DYNLRB1: variants seen among roughly 807,000 people sequenced by gnomAD.
The protein encoded by DYNLRB1 is dynein light chain roadblock-type 1, also known as ROBL/LC7-like 1.
DYNLRB1 carries 6 observed loss-of-function variants against 13.5 expected under a neutral mutation model. The observed-to-expected ratio is 0.44, with a 90% CI of 0.24 to 0.88. The LOEUF (loss-of-function observed/expected upper bound fraction) is 0.88. Ranked by LOEUF, DYNLRB1 falls within the 40% of genes least tolerant of loss-of-function variation. The pLI is 0.21. For synonymous variants in DYNLRB1, 43 were observed against 45.0 expected (o/e 0.96, Z 0.18); for missense variants, 93 against 127.2 (o/e 0.73, Z 1.29).
chr20:34,536,091 GACAGAGCAGTTCAGTC>G lies in DYNLRB1; in HGVS notation c.247+1303_247+1318del, dbSNP rs1054392297. ...CTGGGACACTCCCTAGAGGGGTGGG[GACAGAGCAGTTCAGTC>G]ACAGAGAAGAACATAAGAATAACTC... On this transcript the variant is annotated intron_variant, in intron 3 of 3. Coordinates refer to ENST00000357156, the MANE Select transcript of DYNLRB1 (RefSeq NM_014183.4). 5.1e-6 allele frequency: 5 copies of G among 985,294 alleles called. No homozygotes were observed. The African/African-American group carries it at 7.0e-5, about 14-fold the overall frequency. The allele number at this position is 985,294 out of a possible 1,614,324, so 61.0% of individuals were successfully genotyped here.
chr20:34,524,652 C>T (rs150312008), intron 1 of DYNLRB1, among the ~76,000 whole-genome samples: 2 of 152,192 alleles, frequency 1.3e-5, no homozygotes, highest in South Asian at 2.1e-4. Flanking sequence ...CTGCATTGTA[C>T]TCTCACGTCC....
At chr20:34,535,332 C>T (rs927374200) in intron 3 of DYNLRB1, 4 of 985,354 alleles carry the variant, frequency 4.1e-6, no homozygotes, top group Non-Finnish European at 3.6e-6. Flanking sequence ...CTTTAGGCCC[C>T]TTACAGCCAG....
At chr20:34,521,320 A>G (rs1979693639) in intron 1 of DYNLRB1, among the ~76,000 whole-genome samples, 1 of 152,056 alleles carries the variant, frequency 6.6e-6, no homozygotes, top group Admixed American at 6.6e-5. Context: ...TGAATTTTTC[A>G]TTTGTTTGTG....
intron 1 of DYNLRB1, among the ~76,000 whole-genome samples, chr20:34,523,978 T>C (rs6059896): frequency 0.48 from 73,070 of 151,936 alleles, 17,868 homozygotes; most frequent in Middle Eastern, 0.51. Context: ...CCTTTCTTTC[T>C]GGGTTGATTG....
intron 1 of DYNLRB1, 154 bp downstream of exon 1, chr20:34,516,615 G>T: frequency 1.3e-6 from 2 of 1,503,494 alleles, no homozygotes; most frequent in Admixed American, 2.2e-5. Context: ...CTTGAGGGTG[G>T]AACCCGGCGG....
intron 1 of DYNLRB1, among the ~76,000 whole-genome samples, chr20:34,521,250 G>A (rs1211935019): frequency 6.6e-6 from 1 of 152,140 alleles, no homozygotes; most frequent in East Asian, 1.9e-4. Flanking sequence ...GACCTCAAGT[G>A]ATTCACCCAC....
intron 1 of DYNLRB1, 163 bp downstream of exon 1, chr20:34,516,624 G>T (rs1009677010): frequency 2.0e-6 from 3 of 1,492,618 alleles, no homozygotes; most frequent in Middle Eastern, 2.4e-4. Flanking sequence ...GGAACCCGGC[G>T]GCGGAGGCCT....
intron 1 of DYNLRB1, among the ~76,000 whole-genome samples, chr20:34,524,868 C>T (rs1159878602): frequency 1.3e-5 from 2 of 151,808 alleles, no homozygotes; most frequent in African/African-American, 4.8e-5. Context: ...GGACTACAGG[C>T]GCCCGCCACT....
intron 1 of DYNLRB1, among the ~76,000 whole-genome samples, chr20:34,519,679 G>T (rs1979555177): frequency 6.6e-6 from 1 of 152,106 alleles, no homozygotes; most frequent in Non-Finnish European, 1.5e-5. Context: ...CATTTAGGTG[G>T]TGTATAGTTT....
In DYNLRB1 at chr20:34,516,698, G is replaced by C. The variant is rs373031061; in HGVS notation, c.3+237G>C. On this transcript the variant is annotated intron_variant, in intron 1 of 3. Coordinates refer to ENST00000357156, the MANE Select transcript of DYNLRB1 (RefSeq NM_014183.4). ...CCCCTTGACCGGAAGCGGGAGCCCA[G>C]CCTCGGCCAGGAAGAGATGATGGGC... 1.6e-4 allele frequency: 248 copies of C among 1,511,644 alleles called. 3 individuals are homozygous for C. In the African/African-American group the frequency reaches 2.9e-3, roughly 18 times the overall value. The allele number at this position is 1,511,644 out of a possible 1,614,324, so 93.6% of individuals were successfully genotyped here. A position where few individuals can be genotyped will look rare whatever the true frequency, so the allele number is the denominator to read the frequency against.
chr20:34,537,134 G>A (rs573763426), intron 3 of DYNLRB1, among the ~76,000 whole-genome samples: 1 of 152,286 alleles, frequency 6.6e-6, no homozygotes, highest in East Asian at 1.9e-4. Context: ...CCACAACCTT[G>A]TCAGTGGAGG....
chr20:34,516,478 G>T lies in DYNLRB1; in HGVS notation c.3+17G>T. On this transcript the variant is annotated intron_variant, in intron 1 of 3. Transcript: ENST00000357156. ...TCGGAAATGGTGAGCGTGCGCCGGGGTCTTGTGGCTGGCGGCCGCCCACCA... is the reference window on the plus strand; with the variant it reads ...TCGGAAATGGTGAGCGTGCGCCGGGTTCTTGTGGCTGGCGGCCGCCCACCA... 2 of 1,612,712 alleles carry T rather than the reference G, an allele frequency of 1.2e-6. No homozygotes were observed. Among genetic ancestry groups the T allele is most frequent in the Non-Finnish European group, 8.5e-7 (1 of 1,179,144 alleles).
At chr20:34,526,438 A>T in intron 2 of DYNLRB1, 95 bp downstream of exon 2, 1 of 1,202,340 alleles carries the variant, frequency 8.3e-7, no homozygotes, top group Non-Finnish European at 1.2e-6. Context: ...CCCTTCATGA[A>T]TCTGATCTAA....
chr20:34,529,244 C>T (rs544295106), intron 2 of DYNLRB1, among the ~76,000 whole-genome samples: 87 of 152,288 alleles, frequency 5.7e-4, no homozygotes, highest in African/African-American at 1.8e-3. Context: ...TGCCCGGTTG[C>T]GGGGCCCCCC....
In DYNLRB1 at chr20:34,528,030, C is replaced by CAGTTTATGTGAGACTT. The variant is rs1600546048; in HGVS notation, c.79+1687_79+1688insAGTTTATGTGAGACTT. On this transcript the variant is annotated intron_variant, in intron 2 of 3. Coordinates refer to ENST00000357156, the MANE Select transcript of DYNLRB1 (RefSeq NM_014183.4). ...TTAAAAACTACCCTACTGGAGTAGC[C>CAGTTTATGTGAGACTT]GGCCGGGCGCGGTGGCTCACGCCTG... is the stretch of plus-strand genomic sequence containing the variant. Among the ~76,000 whole-genome samples, 92 of 115,486 alleles carry CAGTTTATGTGAGACTT rather than the reference C, an allele frequency of 8.0e-4. 7 individuals are homozygous for CAGTTTATGTGAGACTT. Among genetic ancestry groups the CAGTTTATGTGAGACTT allele is most frequent in the Middle Eastern group, 9.0e-3 (2 of 222 alleles). The allele number at this position is 115,486 out of a possible 152,430, so 75.8% of individuals were successfully genotyped here.
chr20:34,540,892 CT>C lies in DYNLRB1; in HGVS notation c.*270del, dbSNP rs2146660958. On this transcript the variant is annotated 3_prime_UTR_variant, in exon 4 of 4. Coordinates refer to ENST00000357156, the MANE Select transcript of DYNLRB1 (RefSeq NM_014183.4). ...AGCCCGCACCCAGCTTCCTTCTGAC[CT>C]TCAGTTCACTTTGTCGCCCTTGGAG... is the stretch of plus-strand genomic sequence containing the variant. 1 of 436,176 alleles carries C rather than the reference CT, an allele frequency of 2.3e-6. No homozygotes were observed. Among genetic ancestry groups the C allele is most frequent in the East Asian group, 3.7e-5 (1 of 27,228 alleles). 27.0% of individuals were successfully genotyped at this position (436,176 alleles called of 1,614,324 possible).
At chr20:34,535,508 A>G (rs759339137) in intron 3 of DYNLRB1, among the ~76,000 whole-genome samples, 77 of 152,222 alleles carry the variant, frequency 5.1e-4, no homozygotes, top group Non-Finnish European at 9.8e-4. Flanking sequence ...ATGGGAGCAC[A>G]GGAGCGAGCA....
intron 1 of DYNLRB1, among the ~76,000 whole-genome samples, chr20:34,519,437 G>A (rs146804131): frequency 2.6e-5 from 4 of 152,166 alleles, no homozygotes; most frequent in African/African-American, 9.6e-5. Flanking sequence ...TGGAGAGATC[G>A]CCTGAGCCCA....
chr20:34,516,369 T>G, upstream of DYNLRB1: 2 of 1,574,148 alleles, frequency 1.3e-6, no homozygotes, highest in East Asian at 2.3e-5. Context: ...CAGCTAGAGC[T>G]GTCCGTTTTG....
Sources: gnomAD v4.1 joint callset for allele counts (sites outside exome capture counted in the v4.1 genomes callset) on GRCh38, gnomAD v4.1.1 for gene constraint, MANE v1.5 for transcripts, NCBI Gene and HGNC (gene_info 2026-07-23, HGNC 2026-07-21) for gene names.